ABCC4: variants seen among roughly 807,000 people sequenced by gnomAD.
ABCC4 encodes the protein ATP binding cassette subfamily C member 4 (PEL blood group).
In ABCC4, 102 loss-of-function variants were observed where a neutral mutation model predicts 168.5. The ratio of observed to expected loss-of-function variants is 0.61; its 90% CI spans 0.52 to 0.71. The LOEUF (loss-of-function observed/expected upper bound fraction) is 0.71. ABCC4 is among the 30% of genes least tolerant of loss of function. The probability of loss-of-function intolerance (pLI) is 0.00; values close to 1 mark genes in which losing one functional copy is unlikely to be tolerated. For synonymous variants in ABCC4, 617 were observed against 590.7 expected (o/e 1.04, Z -0.65); for missense variants, 1,402 against 1,605.8 (o/e 0.87, Z 2.17).
intron 19 of ABCC4, among the ~76,000 whole-genome samples, chr13:95,133,165 G>A (rs906298484): frequency 7.1e-6 from 1 of 141,052 alleles, no homozygotes. Context: ...CCAGGCTGGA[G>A]TGCAGGGGCA....
At chr13:95,061,079 C>A (rs1316494099) in intron 26 of ABCC4, among the ~76,000 whole-genome samples, 3 of 152,148 alleles carry the variant, frequency 2.0e-5, no homozygotes, top group African/African-American at 7.2e-5. Context: ...TCAGGATTTC[C>A]TTCCATTTTA....
chr13:95,299,589 C>T (rs2041622247), intron 1 of ABCC4, among the ~76,000 whole-genome samples: 1 of 151,888 alleles, frequency 6.6e-6, no homozygotes, highest in African/African-American at 2.4e-5. Context: ...CATCAGCTAT[C>T]ATTAGTGTTA....
chr13:95,053,255 C>T (rs2032915773), intron 26 of ABCC4, 71 bp from the exon 27 acceptor site: 2 of 1,183,974 alleles, frequency 1.7e-6, no homozygotes, highest in East Asian at 4.7e-5. Flanking sequence ...CTAACATCAA[C>T]AATAGAATTA....
chr13:95,261,057 C>T (rs2040519845), intron 1 of ABCC4, among the ~76,000 whole-genome samples: 1 of 151,988 alleles, frequency 6.6e-6, no homozygotes. Flanking sequence ...ACAAGAAAAA[C>T]ATCGCAACCC....
At chr13:95,196,659 A>G (rs1418282328) in intron 8 of ABCC4, among the ~76,000 whole-genome samples, 87 of 35,460 alleles carry the variant, frequency 2.5e-3, no homozygotes, top group Middle Eastern at 0.01. Flanking sequence ...GAAGGAAGGA[A>G]GGAAGGAAGG....
intron 19 of ABCC4, among the ~76,000 whole-genome samples, chr13:95,156,423 G>C (rs1185094681): frequency 6.6e-6 from 1 of 152,072 alleles, no homozygotes; most frequent in Non-Finnish European, 1.5e-5. Flanking sequence ...GATATCAAAA[G>C]CAAAATTAAT....
Position 95,207,053 on chromosome 13 carries a change from T to C in ABCC4, c.912-272A>G, listed in dbSNP as rs1360271113. Among the ~76,000 whole-genome samples the C allele has an allele frequency of 2.0e-5, 3 of 152,340 alleles. No individual in the cohort carries two copies. The East Asian group carries it at 5.8e-4, about 29-fold the overall frequency. The stretch of plus-strand genomic sequence containing the variant: ...AAAAAAAAATACATATTTTGTTTTT[T>C]GAGACAGAGTTTCACTCTTGTCGCC... On this transcript the variant is annotated intron_variant, in intron 7 of 30. Coordinates refer to ENST00000645237, the MANE Select transcript of ABCC4 (RefSeq NM_005845.5).
chr13:95,261,642 T>C (rs2040534319), intron 1 of ABCC4, among the ~76,000 whole-genome samples: 1 of 152,070 alleles, frequency 6.6e-6, no homozygotes, highest in Admixed American at 6.6e-5. Context: ...CAAAAAAAAG[T>C]AATAAACCTT....
At position 95,161,204 on chromosome 13, in the gene ABCC4, C is replaced by A; in HGVS notation, c.2440G>T (p.Asp814Tyr). 1 of 1,600,508 alleles carries A rather than the reference C, an allele frequency of 6.2e-7. No homozygotes were observed. The highest frequency in any genetic ancestry group is 8.5e-7 in the Non-Finnish European group (1 of 1,176,646). ...TCAGACTTACCTATTGGATTTCTAT[C>A]AAAGAATAATACCGGAGCTTTCAGA... The part of the protein sequence containing the change: ...SILKAPVLFF[D>Y]RNPIGRILNR... The change falls in exon 19 of 31, where the codon GAT (aspartate) becomes TAT (tyrosine). Residue 814 changes from aspartate (D) to tyrosine (Y), a missense_variant. Transcript: ENST00000645237.
At chr13:95,229,681 G>A (rs558795836) in intron 4 of ABCC4, among the ~76,000 whole-genome samples, 26 of 152,174 alleles carry the variant, frequency 1.7e-4, no homozygotes, top group Non-Finnish European at 3.1e-4. Flanking sequence ...GGGATGACAA[G>A]CCCATCCTGA....
intron 4 of ABCC4, among the ~76,000 whole-genome samples, chr13:95,227,267 A>G (rs1302217512): frequency 6.6e-6 from 1 of 152,356 alleles, no homozygotes; most frequent in Middle Eastern, 3.4e-3. Context: ...CAAGCTATGG[A>G]AAGTTAACTT....
rs546398979 is a variant in ABCC4, at chr13:95,052,083, C to T, written c.3456+1012G>A. 5.3e-5 allele frequency among the ~76,000 whole-genome samples: 8 copies of T among 152,226 alleles called. No homozygotes were observed. The East Asian group carries it at 1.2e-3, about 22-fold the overall frequency. ...GCAACCTTGGCCTCCCAGGTTCAAG[C>T]AATTCTCTTGTCTCAGCCTCCTGAG... On this transcript the variant is annotated intron_variant, in intron 27 of 30. Coordinates refer to ENST00000645237, the MANE Select transcript of ABCC4 (RefSeq NM_005845.5).
chr13:95,053,209 C>G (rs1160020742), intron 26 of ABCC4, 25 bp from the exon 27 acceptor site: 1 of 1,563,358 alleles, frequency 6.4e-7, no homozygotes, highest in Admixed American at 1.7e-5. Context: ...TAGTCACGGT[C>G]ATTACCACAG....
intron 9 of ABCC4, among the ~76,000 whole-genome samples, chr13:95,193,647 G>A (rs776598994): frequency 7.9e-5 from 12 of 152,216 alleles, no homozygotes; most frequent in Non-Finnish European, 1.5e-4. Context: ...TCAGGTGAGC[G>A]TAACCGCAGA....
chr13:95,296,333 T>G (rs965599379), intron 1 of ABCC4, among the ~76,000 whole-genome samples: 1 of 152,032 alleles, frequency 6.6e-6, no homozygotes, highest in Non-Finnish European at 1.5e-5. Flanking sequence ...GAAAAATATT[T>G]TTTTTATTAT....
At chr13:95,187,319 T>A (rs1016679355) in intron 10 of ABCC4, among the ~76,000 whole-genome samples, 5 of 152,178 alleles carry the variant, frequency 3.3e-5, no homozygotes, top group African/African-American at 1.2e-4. Context: ...AAATAACATA[T>A]CCTGGCCAGG....
chr13:95,257,535 C>A (rs567410893), intron 1 of ABCC4, among the ~76,000 whole-genome samples: 1 of 152,026 alleles, frequency 6.6e-6, no homozygotes, highest in Admixed American at 6.5e-5. Flanking sequence ...CCGGACATGG[C>A]GGTGCACATC....
At chr13:95,246,004 G>C (rs558222342) in intron 3 of ABCC4, among the ~76,000 whole-genome samples, 1 of 151,784 alleles carries the variant, frequency 6.6e-6, no homozygotes, top group Non-Finnish European at 1.5e-5. Context: ...ACATCCCTAA[G>C]GTAGCACAGA....
intron 26 of ABCC4, among the ~76,000 whole-genome samples, chr13:95,058,583 AAAAAAAAAAGAAAAG>A (rs1308853216): frequency 0.038 from 3,261 of 84,772 alleles, 106 homozygotes; most frequent in African/African-American, 0.11. Context: ...AAAAAAAAAA[AAAAAAAAAAGAAAAG>A]AAAAAGAAAA....
Sources: gnomAD v4.1 joint callset for allele counts (sites outside exome capture counted in the v4.1 genomes callset) on GRCh38, gnomAD v4.1.1 for gene constraint, MANE v1.5 for transcripts, NCBI Gene and HGNC (gene_info 2026-07-23, HGNC 2026-07-21) for gene names.